Variants in NPFFR2 observed in about 807,000 individuals in gnomAD.
The protein encoded by NPFFR2 is neuropeptide FF receptor 2, also known as G-protein coupled receptor 74.
In NPFFR2, 15 loss-of-function variants were observed where a neutral mutation model predicts 13.1. That is an observed-to-expected ratio of 1.15 (90% CI 0.77 to 1.76). The LOEUF is 1.76. Among genes scored for constraint, NPFFR2 ranks in the 40% most tolerant of loss-of-function variants. NPFFR2 has a pLI of 0.00. For synonymous variants in NPFFR2, 190 were observed against 175.7 expected (o/e 1.08, Z -0.65); for missense variants, 572 against 503.5 (o/e 1.14, Z -1.30).
intron 1 of NPFFR2, among the ~76,000 whole-genome samples, chr4:72,088,399 A>G (rs1720825647): frequency 6.6e-6 from 1 of 152,058 alleles, no homozygotes; most frequent in Admixed American, 6.6e-5. Flanking sequence ...CAGATTTTAA[A>G]AAAATTATTC....
intron 1 of NPFFR2, among the ~76,000 whole-genome samples, chr4:72,096,819 C>G (rs1721087768): frequency 6.6e-6 from 1 of 151,884 alleles, no homozygotes; most frequent in Non-Finnish European, 1.5e-5. Context: ...CATCAAAAGT[C>G]TAAAATATCA....
chr4:72,118,688 T>A (rs1319071947), intron 1 of NPFFR2, among the ~76,000 whole-genome samples: 1 of 152,066 alleles, frequency 6.6e-6, no homozygotes, highest in Non-Finnish European at 1.5e-5. Flanking sequence ...GAAACAAAAA[T>A]TATATGATGA....
intron 1 of NPFFR2, among the ~76,000 whole-genome samples, chr4:72,075,343 A>G (rs1487933246): frequency 6.6e-6 from 1 of 152,122 alleles, no homozygotes. Flanking sequence ...TGTGTGAGTT[A>G]ATACTTAATA....
At chr4:72,064,130 T>C (rs139160219) in intron 1 of NPFFR2, among the ~76,000 whole-genome samples, 253 of 152,314 alleles carry the variant, frequency 1.7e-3, no homozygotes, top group African/African-American at 5.7e-3. Context: ...ATAGTACTGA[T>C]GGTATATTAG....
chr4:72,050,918 C>G (rs1468392686), intron 1 of NPFFR2, among the ~76,000 whole-genome samples: 2 of 151,750 alleles, frequency 1.3e-5, no homozygotes, highest in Non-Finnish European at 2.9e-5. Flanking sequence ...CAATTTCATC[C>G]ATGTCCCTAC....
intron 1 of NPFFR2, among the ~76,000 whole-genome samples, chr4:72,074,726 G>C (rs1241749656): frequency 6.6e-6 from 1 of 151,980 alleles, no homozygotes; most frequent in East Asian, 1.9e-4. Context: ...TCAAAAGACA[G>C]AGATTGGCAA....
At chr4:72,051,539 G>C (rs887771103) in intron 1 of NPFFR2, among the ~76,000 whole-genome samples, 89 of 151,054 alleles carry the variant, frequency 5.9e-4, no homozygotes, top group Non-Finnish European at 1.1e-3. Flanking sequence ...ACAAGAGAAA[G>C]CAGGGAAGAT....
chr4:72,048,856 T>A (rs1022942281), intron 1 of NPFFR2, among the ~76,000 whole-genome samples: 2 of 152,080 alleles, frequency 1.3e-5, no homozygotes, highest in Non-Finnish European at 2.9e-5. Flanking sequence ...CATATTAAAA[T>A]TTACAAATAG....
intron 1 of NPFFR2, among the ~76,000 whole-genome samples, chr4:72,067,974 C>A (rs1005834118): frequency 3.9e-5 from 6 of 152,154 alleles, no homozygotes; most frequent in Admixed American, 6.5e-5. Context: ...TCTTCTGAGC[C>A]CTCATCAGAA....
chr4:72,114,453 G>A (rs1476436134), intron 1 of NPFFR2, among the ~76,000 whole-genome samples: 1 of 151,774 alleles, frequency 6.6e-6, no homozygotes, highest in South Asian at 2.1e-4. Context: ...ATAGAATGGG[G>A]TCTAACTTCT....
chr4:72,059,372 G>T (rs533020319), intron 1 of NPFFR2, among the ~76,000 whole-genome samples: 38 of 152,168 alleles, frequency 2.5e-4, no homozygotes, highest in Non-Finnish European at 7.4e-5. Flanking sequence ...TTGATAATTT[G>T]CATAGAGAAA....
chr4:72,067,069 A>G (rs1720093562), intron 1 of NPFFR2, among the ~76,000 whole-genome samples: 2 of 151,850 alleles, frequency 1.3e-5, no homozygotes, highest in South Asian at 4.2e-4. Context: ...CTGGGCCCCG[A>G]TCCTCTCTGA....
rs1578487450 is a variant in NPFFR2 at position 72,146,972 on chromosome 4, T to C, written c.429-6T>C. The C allele has an allele frequency of 1.9e-6, 3 of 1,587,122 alleles. No homozygotes were observed. The highest frequency in any genetic ancestry group is 2.6e-6 in the Non-Finnish European group (3 of 1,160,546). ...GTGCCTCATTTATATTTGTGTTTAA[T>C]TGCAGGTTCCAGTGTGTGGTCTACC... On this transcript the variant is annotated splice_polypyrimidine_tract_variant and splice_region_variant and intron_variant, in intron 3 of 3. Coordinates refer to ENST00000308744, the MANE Select transcript of NPFFR2 (RefSeq NM_004885.3).
intron 2 of NPFFR2, among the ~76,000 whole-genome samples, chr4:72,131,907 G>A (rs1434542238): frequency 6.6e-6 from 1 of 151,200 alleles, no homozygotes; most frequent in Non-Finnish European, 1.5e-5. Context: ...GGATTTTTCT[G>A]TAAATTGAGC....
chr4:72,076,005 ACAGAGAGAGAGAGAGG>A (rs1361277291), intron 1 of NPFFR2, among the ~76,000 whole-genome samples: 93 of 12,374 alleles, frequency 7.5e-3, no homozygotes, highest in South Asian at 0.017. Flanking sequence ...ACACACACAC[ACAGAGAGAGAGAGAGG>A]GCAGACAGCA....
chr4:72,127,341 A>T (rs1578473186), intron 1 of NPFFR2, among the ~76,000 whole-genome samples: 2 of 123,034 alleles, frequency 1.6e-5, no homozygotes, highest in African/African-American at 3.2e-5. Context: ...AGTCATACAG[A>T]TTCTAAATAA....
chr4:72,141,778 A>G (rs1028117281), intron 3 of NPFFR2, among the ~76,000 whole-genome samples: 3 of 152,088 alleles, frequency 2.0e-5, no homozygotes, highest in Admixed American at 6.6e-5. Flanking sequence ...TATTAGGTCC[A>G]CTTGTTGCGA....
intron 1 of NPFFR2, among the ~76,000 whole-genome samples, chr4:72,039,581 T>C (rs890778257): frequency 1.4e-4 from 22 of 152,224 alleles, no homozygotes; most frequent in South Asian, 2.1e-4. Flanking sequence ...TTGATTGTTA[T>C]GGATAAAATT....
intron 1 of NPFFR2, among the ~76,000 whole-genome samples, chr4:72,046,350 A>G (rs763415014): frequency 5.3e-5 from 8 of 152,194 alleles, no homozygotes; most frequent in Admixed American, 2.6e-4. Flanking sequence ...GATTAATGCC[A>G]TCATTGCAGA....
Sources: allele counts gnomAD v4.1 joint callset (sites outside exome capture counted in the v4.1 genomes callset), GRCh38; gene constraint gnomAD v4.1.1; transcripts MANE v1.5; gene names NCBI Gene and HGNC (gene_info 2026-07-23, HGNC 2026-07-21).